Variants in TMEM243 observed in about 807,000 individuals in gnomAD.
TMEM243 encodes the protein transmembrane protein 243, also known as MDR1 and mitochondrial taxol resistance associated.
TMEM243 carries 20 observed loss-of-function variants against 15.0 expected under a neutral mutation model. The observed-to-expected ratio is 1.33, with a 90% CI of 0.94 to 1.93. TMEM243 has a LOEUF of 1.93. TMEM243 is among the 30% of genes most tolerant of loss of function. The pLI, the probability that TMEM243 is intolerant of heterozygous loss-of-function variation, is 0.00. For synonymous variants in TMEM243, 72 were observed against 52.7 expected (o/e 1.37, Z -1.59); for missense variants, 156 against 142.1 (o/e 1.10, Z -0.50).
Position 87,219,419 on chromosome 7 carries a change from C to G in TMEM243, c.78+7G>C, listed in dbSNP as rs771842251. 12 of 1,613,914 alleles carry G rather than the reference C, an allele frequency of 7.4e-6. No individual in the cohort carries two copies. Among genetic ancestry groups the G allele is most frequent in the Non-Finnish European group, 1.0e-5 (12 of 1,179,866 alleles). ...CATCCCAGTCTGGAGTCACAATCCG[C>G]ACTCACCTTGGCGGACGTCTCCCCA... is the stretch of plus-strand genomic sequence containing the variant. On this transcript the variant is annotated splice_region_variant and intron_variant, in intron 1 of 3. Transcript: ENST00000257637.
chr7:87,196,738 T>G lies in TMEM243; in HGVS notation c.255A>C (p.Gly85=), dbSNP rs1801288972. The change falls in exon 4 of 4, where the codon GGA becomes GGC. Residue 85 remains glycine, a synonymous_variant. Coordinates refer to ENST00000257637, the MANE Select transcript of TMEM243 (RefSeq NM_024315.4). ...GCTTTCTAAATTTCGGTTCTAAGTC[T>G]CCTTGTCGATACCAGTAGATCTAAA... ...ACILIYWYRQ[G]DLEPKFRKLI... 1 of 1,584,668 alleles carries G rather than the reference T, an allele frequency of 6.3e-7. No homozygotes were observed.
At chr7:87,196,863 C>T in intron 3 of TMEM243, 105 bp from the exon 4 acceptor site, 1 of 772,046 alleles carries the variant, frequency 1.3e-6, no homozygotes. Context: ...ATGAGACAGA[C>T]ATTCTCCATA....
intron 1 of TMEM243, among the ~76,000 whole-genome samples, chr7:87,211,609 A>G (rs1802755830): frequency 6.6e-6 from 1 of 152,216 alleles, no homozygotes; most frequent in African/African-American, 2.4e-5. Flanking sequence ...TCAGAAGCCT[A>G]AGGGGCCAGG....
Position 87,196,731 on chromosome 7 carries a change from C to T in TMEM243, c.262G>A (p.Glu88Lys). ...TAAATTAGCTTTCTAAATTTCGGTT[C>T]TAAGTCTCCTTGTCGATACCAGTAG... ...LIYWYRQGDL[E>K]PKFRKLIYYI... Residue 88 changes from glutamate to lysine, a missense_variant, in exon 4 of 4, where the codon GAA becomes AAA. By Grantham distance (56) the Glu-to-Lys change is moderately conservative. Coordinates refer to ENST00000257637, the MANE Select transcript of TMEM243 (RefSeq NM_024315.4). 1 of 1,597,962 alleles carries T rather than the reference C, an allele frequency of 6.3e-7. No individual in the cohort carries two copies. The highest frequency in any genetic ancestry group is 1.3e-5 in the African/African-American group (1 of 74,446).
intron 1 of TMEM243, among the ~76,000 whole-genome samples, chr7:87,200,407 A>G (rs535028512): frequency 8.9e-4 from 136 of 152,284 alleles, no homozygotes; most frequent in African/African-American, 3.1e-3. Flanking sequence ...TTCTTCCCAC[A>G]TGGGACAACA....
intron 3 of TMEM243, 60 bp downstream of exon 3, chr7:87,197,880 TG>T: frequency 6.2e-7 from 1 of 1,610,222 alleles, no homozygotes; most frequent in Middle Eastern, 1.7e-4. Flanking sequence ...TGAAAATTTT[TG>T]TCCTGTGCAT....
chr7:87,219,632 G>T lies in TMEM243; in HGVS notation c.-129C>A, dbSNP rs2129243237. On this transcript the variant is annotated 5_prime_UTR_variant, in exon 1 of 4. Coordinates refer to ENST00000257637, the MANE Select transcript of TMEM243 (RefSeq NM_024315.4). Reference sequence around the variant, plus strand: ...TAGCCGAACCCGAGTGGTCGGGGAAGCGCTGGCGCCAGGGATGGGTGGGGG... The same window carrying T: ...TAGCCGAACCCGAGTGGTCGGGGAATCGCTGGCGCCAGGGATGGGTGGGGG... The T allele has an allele frequency of 1.2e-6, 1 of 800,784 alleles. No homozygotes were observed. The highest frequency in any genetic ancestry group is 2.0e-6 in the Non-Finnish European group (1 of 490,662). 49.6% of individuals were successfully genotyped at this position (800,784 alleles called of 1,614,324 possible).
At chr7:87,198,892 T>C in intron 2 of TMEM243, 115 bp downstream of exon 2, 1 of 909,076 alleles carries the variant, frequency 1.1e-6, no homozygotes, top group Admixed American at 2.8e-5. Context: ...ACTGCAATTT[T>C]GTGGTAATAA....
chr7:87,198,115 A>T, intron 2 of TMEM243, 70 bp from the exon 3 acceptor site: 1 of 1,303,676 alleles, frequency 7.7e-7, no homozygotes, highest in South Asian at 1.3e-5. Context: ...ACTGGAGTCT[A>T]GGCAACAGTA....
intron 1 of TMEM243, among the ~76,000 whole-genome samples, chr7:87,209,016 C>A (rs1584537100): frequency 1.3e-5 from 2 of 151,776 alleles, no homozygotes; most frequent in African/African-American, 4.8e-5. Context: ...CTATCCTCAC[C>A]TGGGCCTTCA....
intron 1 of TMEM243, among the ~76,000 whole-genome samples, chr7:87,211,252 T>C (rs545821283): frequency 1.9e-4 from 29 of 152,326 alleles, no homozygotes; most frequent in Admixed American, 1.8e-3. Flanking sequence ...CTTCCTTTTA[T>C]AAAAGGCTCA....
intron 1 of TMEM243, among the ~76,000 whole-genome samples, chr7:87,207,510 G>T (rs201444583): frequency 2.3e-5 from 1 of 43,962 alleles, no homozygotes; most frequent in Non-Finnish European, 5.7e-5. Context: ...GCAGGAGAAT[G>T]GCGTGAACCT....
In TMEM243 at chr7:87,198,996, A is replaced by C. The variant is rs1173841647; in HGVS notation, c.129+11T>G. 1.3e-6 allele frequency: 2 copies of C among 1,591,886 alleles called. No homozygotes were observed. Among genetic ancestry groups the C allele is most frequent in the Non-Finnish European group, 1.7e-6 (2 of 1,173,024 alleles). On this transcript the variant is annotated intron_variant, in intron 2 of 3. Transcript: ENST00000257637. ...AAGAGCCTGGGTGAGGCACAAAATG[A>C]GGATACTTACTAGAATCAATAAGGA...
intron 1 of TMEM243, among the ~76,000 whole-genome samples, chr7:87,214,189 G>A (rs563316042): frequency 1.8e-4 from 28 of 152,292 alleles, no homozygotes; most frequent in African/African-American, 6.3e-4. Context: ...AGTTTCACCA[G>A]TCTAGATGGA....
chr7:87,205,144 G>A (rs902694250), intron 1 of TMEM243, among the ~76,000 whole-genome samples: 6 of 152,192 alleles, frequency 3.9e-5, no homozygotes, highest in South Asian at 2.1e-4. Context: ...GTCCCTAAGC[G>A]GCATACAGCA....
chr7:87,209,510 AAGAC>A (rs1342954922), intron 1 of TMEM243, among the ~76,000 whole-genome samples: 6 of 110,302 alleles, frequency 5.4e-5, no homozygotes, highest in African/African-American at 7.5e-5. Context: ...GAGAGTGAGA[AAGAC>A]AGTGAGAGAG....
chr7:87,200,005 C>T (rs1296488711), intron 1 of TMEM243, among the ~76,000 whole-genome samples: 1 of 152,104 alleles, frequency 6.6e-6, no homozygotes, highest in South Asian at 2.1e-4. Flanking sequence ...TGGAACATGC[C>T]GCCAATAAAC....
chr7:87,198,763 A>G (rs966831725), intron 2 of TMEM243: 51 of 490,762 alleles, frequency 1.0e-4, no homozygotes, highest in South Asian at 2.1e-4. Context: ...CATTTTTACA[A>G]ATTTACTAGG....
At chr7:87,219,885 A>C (rs946535423), upstream of TMEM243, among the ~76,000 whole-genome samples, 6 of 152,200 alleles carry the variant, frequency 3.9e-5, no homozygotes, top group Non-Finnish European at 5.9e-5. Context: ...CCCGGCTAGC[A>C]CAGCAAATCG....
Sources: gnomAD v4.1 joint callset for allele counts (sites outside exome capture counted in the v4.1 genomes callset) on GRCh38, gnomAD v4.1.1 for gene constraint, MANE v1.5 for transcripts, NCBI Gene and HGNC (gene_info 2026-07-23, HGNC 2026-07-21) for gene names.